Variants in SYN3 observed in about 807,000 individuals in gnomAD.
SYN3 encodes synapsin-3.
In SYN3, 35 loss-of-function variants were observed where a neutral mutation model predicts 65.8. The observed-to-expected ratio is 0.53, with a 90% CI of 0.41 to 0.70. The LOEUF is 0.70. SYN3 is among the 30% of genes least tolerant of loss of function. The pLI is 0.00. For missense variants in SYN3, 680 were observed against 749.0 expected, an observed-to-expected ratio of 0.91 and a Z score of 1.08; for synonymous variants, 270 against 292.9, an observed-to-expected ratio of 0.92 and a Z score of 0.80.
chr22:33,043,285 C>T (rs769372778), intron 1 of SYN3, among the ~76,000 whole-genome samples: 36 of 152,208 alleles, frequency 2.4e-4, no homozygotes, highest in Non-Finnish European at 4.0e-4. Flanking sequence ...CAGTGGCTCA[C>T]GCCTATAATC....
chr22:32,876,184 C>CTCCT (rs1218323148), intron 4 of SYN3, among the ~76,000 whole-genome samples: 1 of 152,142 alleles, frequency 6.6e-6, no homozygotes, highest in Non-Finnish European at 1.5e-5. Flanking sequence ...CCCTTCCTAG[C>CTCCT]TCCTCACTGT....
At chr22:32,846,036 A>G (rs148245932) in intron 6 of SYN3, among the ~76,000 whole-genome samples, 2 of 152,250 alleles carry the variant, frequency 1.3e-5, no homozygotes, top group East Asian at 3.9e-4. Context: ...TTGAGAATCT[A>G]TTTGGAGGGC....
chr22:32,906,164 G>A (rs2049896667), intron 4 of SYN3, among the ~76,000 whole-genome samples: 1 of 152,158 alleles, frequency 6.6e-6, no homozygotes, highest in South Asian at 2.1e-4. Context: ...CGCACGACCT[G>A]GAAGAGAGAA....
In SYN3 at chr22:32,533,848, T is replaced by C. The variant is rs1240572693; in HGVS notation, c.1040A>G (p.Asp347Gly). ...DSCSEMFGGLDICAVKAVHSK... is the reference protein window; with the variant it reads ...DSCSEMFGGLGICAVKAVHSK... ...GTGGACAGCCTTGACGGCACAGATG[T>C]CCAGGCCGCCAAACATTTCCGAGCA... The change falls in exon 10 of 14, where the codon GAC becomes GGC. Residue 347 changes from aspartate (D) to glycine (G), a missense_variant. Asp to Gly is a moderately conservative substitution (Grantham distance 94). Transcript: ENST00000358763. 6.2e-7 allele frequency: 1 copy of C among 1,613,964 alleles called. No individual in the cohort carries two copies. Among genetic ancestry groups the C allele is most frequent in the African/African-American group, 1.3e-5 (1 of 75,028 alleles).
chr22:32,592,201 T>C (rs1485005435), intron 7 of SYN3, among the ~76,000 whole-genome samples: 3 of 152,184 alleles, frequency 2.0e-5, no homozygotes, highest in African/African-American at 7.2e-5. Flanking sequence ...GAAGCTGTCT[T>C]ATGTACTGTG....
intron 3 of SYN3, among the ~76,000 whole-genome samples, chr22:32,933,497 C>T (rs1333961258): frequency 1.3e-5 from 2 of 152,158 alleles, no homozygotes; most frequent in African/African-American, 4.8e-5. Flanking sequence ...GGCTCAATCT[C>T]GGCTCACTGC....
intron 6 of SYN3, among the ~76,000 whole-genome samples, chr22:32,770,438 A>G (rs1400688301): frequency 9.2e-5 from 14 of 152,034 alleles, no homozygotes; most frequent in Admixed American, 9.2e-4. Context: ...CCCTATCCCC[A>G]TAACATCTCT....
intron 6 of SYN3, among the ~76,000 whole-genome samples, chr22:32,863,225 C>T (rs1360232858): frequency 6.6e-6 from 1 of 152,190 alleles, no homozygotes; most frequent in African/African-American, 2.4e-5. Context: ...GGAGAGGTGC[C>T]CTGCCTTGAC....
intron 3 of SYN3, among the ~76,000 whole-genome samples, chr22:32,964,798 C>A (rs886714438): frequency 7.2e-5 from 11 of 152,120 alleles, no homozygotes; most frequent in Non-Finnish European, 1.6e-4. Flanking sequence ...CAAGTACAAC[C>A]CTTGATGCCC....
intron 6 of SYN3, among the ~76,000 whole-genome samples, chr22:32,832,592 C>T (rs531004388): frequency 9.3e-5 from 14 of 149,786 alleles, no homozygotes; most frequent in Non-Finnish European, 1.6e-4. Flanking sequence ...CAGATGAGTA[C>T]AGTTATTTAG....
intron 6 of SYN3, among the ~76,000 whole-genome samples, chr22:32,758,734 G>A: frequency 9.0e-6 from 1 of 110,912 alleles, no homozygotes; most frequent in East Asian, 2.8e-4. Flanking sequence ...TGGGAACCCT[G>A]ACTAACACAC....
intron 1 of SYN3, among the ~76,000 whole-genome samples, chr22:33,053,981 T>C (rs2054213944): frequency 6.6e-6 from 1 of 152,168 alleles, no homozygotes; most frequent in Non-Finnish European, 1.5e-5. Context: ...GACAAAGGAT[T>C]GGAAGTCTGG....
At chr22:32,582,374 G>A (rs887805992) in intron 7 of SYN3, among the ~76,000 whole-genome samples, 11 of 110,640 alleles carry the variant, frequency 9.9e-5, no homozygotes, top group African/African-American at 2.6e-4. Context: ...TTTTGAGACC[G>A]GGTCTCACTC....
At chr22:32,937,638 G>A (rs1403097375) in intron 3 of SYN3, among the ~76,000 whole-genome samples, 1 of 152,140 alleles carries the variant, frequency 6.6e-6, no homozygotes, top group Non-Finnish European at 1.5e-5. Flanking sequence ...AAGGCGGATG[G>A]TGCTAAATCA....
At chr22:32,543,353 C>T (rs756395121) in intron 7 of SYN3, among the ~76,000 whole-genome samples, 4 of 152,138 alleles carry the variant, frequency 2.6e-5, no homozygotes, top group South Asian at 2.1e-4. Flanking sequence ...CTCTGGACTC[C>T]GAAGGCACAG....
At chr22:32,848,121 TCACA>T (rs903598687) in intron 6 of SYN3, among the ~76,000 whole-genome samples, 3 of 152,254 alleles carry the variant, frequency 2.0e-5, no homozygotes, top group African/African-American at 7.2e-5. Flanking sequence ...TGCTTCTTTT[TCACA>T]CAACGTAGAA....
intron 1 of SYN3, among the ~76,000 whole-genome samples, chr22:33,026,865 T>C (rs778403488): frequency 4.6e-5 from 7 of 152,248 alleles, no homozygotes; most frequent in Non-Finnish European, 7.3e-5. Context: ...ACGTGGCGAC[T>C]GTATACTGCA....
At chr22:32,716,925 G>C (rs2061047217) in intron 6 of SYN3, among the ~76,000 whole-genome samples, 1 of 152,042 alleles carries the variant, frequency 6.6e-6, no homozygotes, top group Non-Finnish European at 1.5e-5. Context: ...CACTCAGATT[G>C]CTGTACAACC....
chr22:32,854,988 G>C (rs575882867), intron 6 of SYN3, among the ~76,000 whole-genome samples: 2 of 152,120 alleles, frequency 1.3e-5, no homozygotes, highest in Non-Finnish European at 2.9e-5. Flanking sequence ...AGGCCAAATG[G>C]GAGGCATTTA....
Sources: gnomAD v4.1 joint callset for allele counts (sites outside exome capture counted in the v4.1 genomes callset) on GRCh38, gnomAD v4.1.1 for gene constraint, MANE v1.5 for transcripts, NCBI Gene and HGNC (gene_info 2026-07-23, HGNC 2026-07-21) for gene names.